The following OPCML variants were observed in gnomAD, a reference collection of about 807,000 sequenced individuals.
OPCML encodes the protein opioid binding protein/cell adhesion molecule like.
In OPCML, 13 loss-of-function variants were observed where a neutral mutation model predicts 37.8. The observed-to-expected ratio is 0.34, with a 90% CI of 0.22 to 0.55. The LOEUF (loss-of-function observed/expected upper bound fraction) is 0.55. Ranked by LOEUF, OPCML falls within the 20% of genes least tolerant of loss-of-function variation. The pLI is 0.91. For synonymous variants in OPCML, 176 were observed against 168.8 expected, an observed-to-expected ratio of 1.04 and a Z score of -0.33; for missense variants, 341 against 435.6, an observed-to-expected ratio of 0.78 and a Z score of 1.93.
intron 4 of OPCML, among the ~76,000 whole-genome samples, chr11:132,444,868 T>C (rs2096049364): frequency 6.6e-6 from 1 of 152,208 alleles, no homozygotes; most frequent in African/African-American, 2.4e-5. Context: ...AACTTCCAGA[T>C]TTGTTACCTT....
intron 2 of OPCML, 66 bp downstream of exon 2, chr11:132,942,858 CCT>C: frequency 6.3e-7 from 1 of 1,595,814 alleles, no homozygotes; most frequent in Non-Finnish European, 8.6e-7. Context: ...CCTTCTGCCC[CCT>C]CTTCCCTCCT....
At chr11:133,079,132 C>T (rs1948670278) in intron 1 of OPCML, among the ~76,000 whole-genome samples, 2 of 152,172 alleles carry the variant, frequency 1.3e-5, no homozygotes, top group African/African-American at 4.8e-5. Context: ...GGGCCCCTGG[C>T]TCTCTCTGGA....
intron 3 of OPCML, among the ~76,000 whole-genome samples, chr11:132,616,429 C>T (rs980608504): frequency 6.6e-6 from 1 of 152,216 alleles, no homozygotes; most frequent in Non-Finnish European, 1.5e-5. Flanking sequence ...TCAGATTTCT[C>T]TTACTGTCAT....
chr11:133,472,568 C>T (rs1018585442), intron 1 of OPCML, among the ~76,000 whole-genome samples: 2 of 151,652 alleles, frequency 1.3e-5, no homozygotes, highest in African/African-American at 2.4e-5. Flanking sequence ...TTTAGGGGAT[C>T]GAGGAGCTCT....
At chr11:133,366,855 C>T (rs1462631593) in intron 1 of OPCML, among the ~76,000 whole-genome samples, 2 of 152,188 alleles carry the variant, frequency 1.3e-5, no homozygotes, top group Non-Finnish European at 2.9e-5. Context: ...CACTTTGATG[C>T]CTAACACTCA....
intron 4 of OPCML, among the ~76,000 whole-genome samples, chr11:132,469,628 G>T (rs2096129902): frequency 7.2e-6 from 1 of 138,318 alleles, no homozygotes; most frequent in East Asian, 2.2e-4. Flanking sequence ...TGTGTGGGGT[G>T]TGTGTGTATG....
chr11:132,570,338 G>T (rs1192349156), intron 3 of OPCML, among the ~76,000 whole-genome samples: 4 of 152,098 alleles, frequency 2.6e-5, no homozygotes, highest in Non-Finnish European at 5.9e-5. Flanking sequence ...GCTGACCCCT[G>T]CTCTAGATCA....
intron 1 of OPCML, among the ~76,000 whole-genome samples, chr11:133,495,218 C>T (rs1288205538): frequency 6.6e-6 from 1 of 152,190 alleles, no homozygotes; most frequent in East Asian, 1.9e-4. Context: ...ATTCAGGTCA[C>T]TGCAAATGCC....
intron 2 of OPCML, among the ~76,000 whole-genome samples, chr11:132,849,319 C>A (rs150110833): frequency 6.6e-6 from 1 of 152,232 alleles, no homozygotes; most frequent in South Asian, 2.1e-4. Context: ...ATAAAGACAC[C>A]AATTGCCTAT....
intron 2 of OPCML, among the ~76,000 whole-genome samples, chr11:132,766,469 C>T (rs1238923207): frequency 6.6e-6 from 1 of 152,136 alleles, no homozygotes; most frequent in African/African-American, 2.4e-5. Context: ...ATATGGTATT[C>T]CTGCCCATAA....
chr11:133,307,302 T>C (rs12417221), intron 1 of OPCML, among the ~76,000 whole-genome samples: 7,359 of 152,124 alleles, frequency 0.048, 199 homozygotes, highest in Middle Eastern at 0.071. Flanking sequence ...AATCTATGTC[T>C]CAAGAAGATG....
intron 2 of OPCML, among the ~76,000 whole-genome samples, chr11:132,782,716 T>C (rs1030420965): frequency 2.5e-4 from 38 of 151,970 alleles, no homozygotes; most frequent in African/African-American, 9.2e-4. Flanking sequence ...CTCATTTCTT[T>C]ATGACTGTGG....
At chr11:133,165,804 A>G (rs1436486819) in intron 1 of OPCML, among the ~76,000 whole-genome samples, 1 of 152,098 alleles carries the variant, frequency 6.6e-6, no homozygotes, top group Non-Finnish European at 1.5e-5. Context: ...TGTTTTCTCC[A>G]GGATGCTTTT....
chr11:133,521,275 ACTT>A (rs1275458905), intron 1 of OPCML, among the ~76,000 whole-genome samples: 1 of 152,216 alleles, frequency 6.6e-6, no homozygotes, highest in Non-Finnish European at 1.5e-5. Flanking sequence ...GCCCAAGATC[ACTT>A]GGCTCATAAG....
At chr11:133,156,903 T>C (rs1950069859) in intron 1 of OPCML, among the ~76,000 whole-genome samples, 1 of 152,120 alleles carries the variant, frequency 6.6e-6, no homozygotes. Flanking sequence ...TTGCTGGAGC[T>C]GGACTAAGAA....
intron 2 of OPCML, among the ~76,000 whole-genome samples, chr11:132,661,736 A>G (rs1941985138): frequency 6.6e-6 from 1 of 152,212 alleles, no homozygotes; most frequent in African/African-American, 2.4e-5. Flanking sequence ...ACTCATTACA[A>G]CTACATCACA....
intron 2 of OPCML, 98 bp downstream of exon 2, chr11:132,942,828 C>A (rs1370789922): frequency 6.7e-7 from 1 of 1,494,024 alleles, no homozygotes; most frequent in Non-Finnish European, 9.1e-7. Context: ...GGCCCACTCG[C>A]GTTCCGGTCC....
Position 132,803,705 on chromosome 11 carries a change from A to G in OPCML, c.146+139221T>C, listed in dbSNP as rs377408703. Among the ~76,000 whole-genome samples the G allele has an allele frequency of 6.7e-4, 102 of 152,354 alleles. 4 individuals are homozygous for G. In the East Asian group the frequency reaches 0.017, roughly 25 times the overall value. On this transcript the variant is annotated intron_variant, in intron 2 of 7. Coordinates refer to ENST00000524381, the MANE Select transcript of OPCML (RefSeq NM_001012393.5). ...ACTTTCCACCAGAAGGTAGCATAGT[A>G]TAGTTGTTAAGGTATAGGAGCTAAA...
intron 1 of OPCML, among the ~76,000 whole-genome samples, chr11:132,957,231 G>C (rs1038770357): frequency 6.6e-6 from 1 of 152,180 alleles, no homozygotes; most frequent in African/African-American, 2.4e-5. Flanking sequence ...GGGAAGGAAG[G>C]AGACGGAGAA....
Sources: allele counts gnomAD v4.1 joint callset (sites outside exome capture counted in the v4.1 genomes callset), GRCh38; gene constraint gnomAD v4.1.1; transcripts MANE v1.5; gene names NCBI Gene and HGNC (gene_info 2026-07-23, HGNC 2026-07-21).